TBC1D14: variants seen among roughly 807,000 people sequenced by gnomAD.
The protein encoded by TBC1D14 is TBC1 domain family, member 14.
TBC1D14 carries 26 observed loss-of-function variants against 79.0 expected under a neutral mutation model. The ratio of observed to expected loss-of-function variants is 0.33; its 90% CI spans 0.24 to 0.46. The LOEUF (loss-of-function observed/expected upper bound fraction) is 0.46, where lower values mean the gene tolerates loss of function less well. Among genes scored for constraint, TBC1D14 ranks in the 20% least tolerant of loss-of-function variants. The pLI is 1.00. For synonymous variants in TBC1D14, 394 were observed against 349.9 expected, an observed-to-expected ratio of 1.13 and a Z score of -1.40; for missense variants, 769 against 887.6, an observed-to-expected ratio of 0.87 and a Z score of 1.70.
intron 3 of TBC1D14, among the ~76,000 whole-genome samples, chr4:6,987,880 G>C (rs987596081): frequency 4.6e-5 from 7 of 152,210 alleles, no homozygotes; most frequent in South Asian, 4.1e-4. Context: ...TTGATGCTCT[G>C]GGAGGAATAT....
intron 3 of TBC1D14, 62 bp downstream of exon 3, chr4:6,967,486 C>A: frequency 6.4e-7 from 1 of 1,567,982 alleles, no homozygotes; most frequent in Non-Finnish European, 8.6e-7. Context: ...TATTCATGAA[C>A]CTTGCAAAAA....
rs1301612274 is a variant in TBC1D14 at position 7,032,735 on chromosome 4, T to C, written c.*2343T>C. On this transcript the variant is annotated 3_prime_UTR_variant, in exon 14 of 14. Transcript: ENST00000409757. ...AGGCTGCCTCTGTGTGTGGTTTAAG[T>C]AAACTGGAAATGAGACATTGACGTG... 1 of 151,740 alleles carries C rather than the reference T, an allele frequency of 6.6e-6. No homozygotes were observed. Among genetic ancestry groups the C allele is most frequent in the Non-Finnish European group, 1.5e-5 (1 of 67,900 alleles). 9.4% of individuals were successfully genotyped at this position (151,740 alleles called of 1,614,324 possible). A position where few individuals can be genotyped will look rare whatever the true frequency, so the allele number is the denominator to read the frequency against.
At chr4:7,024,944 C>A in intron 12 of TBC1D14, 60 bp from the exon 13 acceptor site, 1 of 1,593,002 alleles carries the variant, frequency 6.3e-7, no homozygotes. Context: ...CTGGAATTCA[C>A]TGTTCTTTCT....
chr4:7,001,687 G>A (rs961935472), intron 7 of TBC1D14, among the ~76,000 whole-genome samples: 4 of 152,142 alleles, frequency 2.6e-5, no homozygotes, highest in African/African-American at 4.8e-5. Context: ...CTGGGACTGC[G>A]GTCCTTGGGG....
chr4:6,939,188 C>T (rs1031527303), intron 2 of TBC1D14, among the ~76,000 whole-genome samples: 6 of 152,198 alleles, frequency 3.9e-5, no homozygotes, highest in Admixed American at 6.5e-5. Flanking sequence ...CAGGCGGTCT[C>T]GGCATCTTCC....
intron 3 of TBC1D14, among the ~76,000 whole-genome samples, chr4:6,970,962 G>A (rs538496239): frequency 6.8e-6 from 1 of 147,130 alleles, no homozygotes; most frequent in African/African-American, 2.5e-5. Flanking sequence ...GCCTCAAGGA[G>A]CCTGTGGTTG....
rs533696672 is a variant in TBC1D14, at chr4:6,942,703, A to T, written c.722+18592A>T. ...GAGGCGGGGAAGGCGGGTCAAAAGG[A>T]GTGGGCTCTGCCTTCCCCGCCCCCA... On this transcript the variant is annotated intron_variant, in intron 2 of 13. Coordinates refer to ENST00000409757, the MANE Select transcript of TBC1D14 (RefSeq NM_020773.3). Among the ~76,000 whole-genome samples the T allele has an allele frequency of 2.6e-5, 4 of 152,202 alleles. No individual in the cohort carries two copies. The South Asian group carries it at 8.3e-4, about 32-fold the overall frequency.
At chr4:7,011,291 CTT>C (rs1720741800) in intron 11 of TBC1D14, among the ~76,000 whole-genome samples, 1 of 151,066 alleles carries the variant, frequency 6.6e-6, no homozygotes, top group Admixed American at 6.6e-5. Context: ...CCGCTCTAGT[CTT>C]TATGACACTG....
intron 12 of TBC1D14, among the ~76,000 whole-genome samples, chr4:7,023,602 A>C (rs1722040570): frequency 6.6e-6 from 1 of 152,246 alleles, no homozygotes; most frequent in East Asian, 1.9e-4. Context: ...GCTTCCTACC[A>C]AGCCTGCGAC....
chr4:6,931,586 A>G (rs1009545900), intron 2 of TBC1D14, among the ~76,000 whole-genome samples: 1 of 152,092 alleles, frequency 6.6e-6, no homozygotes, highest in South Asian at 2.1e-4. Context: ...CTGTCTGCAG[A>G]CCTGCCAGTG....
rs1367771456 is a variant in TBC1D14 at position 6,996,336 on chromosome 4, C to G, written c.974C>G (p.Ala325Gly). 6.2e-7 allele frequency: 1 copy of G among 1,613,400 alleles called. No homozygotes were observed. Among genetic ancestry groups the G allele is most frequent in the African/African-American group, 1.3e-5 (1 of 74,840 alleles). ...ILEDRPANLP[A>G]KPAEEAQKHR... The stretch of plus-strand genomic sequence containing the variant: ...TCTTTCCTGTCAAGAAATCTCCCAG[C>G]AAAACCAGCTGAAGAAGCTCAGAAG... Residue 325 changes from alanine to glycine, a missense_variant, in exon 5 of 14, where the codon GCA (alanine) becomes GGA (glycine). Physicochemically the swap from Ala to Gly is moderately conservative, Grantham distance 60. Transcript: ENST00000409757.
At chr4:7,010,941 C>A (rs1299414343) in intron 11 of TBC1D14, among the ~76,000 whole-genome samples, 160 bp downstream of exon 11, 1 of 152,052 alleles carries the variant, frequency 6.6e-6, no homozygotes, top group East Asian at 1.9e-4. Context: ...TTTTGAGCAG[C>A]GTATTGCATG....
At chr4:7,013,909 A>C (rs1721032269) in intron 11 of TBC1D14, among the ~76,000 whole-genome samples, 1 of 151,910 alleles carries the variant, frequency 6.6e-6, no homozygotes, top group Non-Finnish European at 1.5e-5. Flanking sequence ...ACGCCTGGCT[A>C]ATTTTTCGTT....
At chr4:6,974,190 G>C (rs182282000) in intron 3 of TBC1D14, among the ~76,000 whole-genome samples, 19 of 152,224 alleles carry the variant, frequency 1.2e-4, no homozygotes, top group African/African-American at 4.3e-4. Context: ...CAGCCCTCAG[G>C]CATTCTTATG....
At position 6,999,339 on chromosome 4, in the gene TBC1D14, A is replaced by G. The variant is rs542854893; in HGVS notation, c.1163+137A>G. On this transcript the variant is annotated intron_variant, in intron 6 of 13. Coordinates refer to ENST00000409757, the MANE Select transcript of TBC1D14 (RefSeq NM_020773.3). ...AAGTTGCATCATCTTCCTTCCCTCTACCCTGGCTCAGCCTGCGCCATCCCT... is the reference window on the plus strand; with the variant it reads ...AAGTTGCATCATCTTCCTTCCCTCTGCCCTGGCTCAGCCTGCGCCATCCCT... 1.2e-5 allele frequency: 9 copies of G among 756,704 alleles called. No homozygotes were observed. The African/African-American group carries it at 1.6e-4, about 13-fold the overall frequency. 46.9% of individuals were successfully genotyped at this position (756,704 alleles called of 1,614,324 possible). A position where few individuals can be genotyped will look rare whatever the true frequency, so the allele number is the denominator to read the frequency against.
At chr4:6,987,870 T>C (rs956230063) in intron 3 of TBC1D14, among the ~76,000 whole-genome samples, 5 of 152,228 alleles carry the variant, frequency 3.3e-5, no homozygotes, top group African/African-American at 1.2e-4. Flanking sequence ...ATATTAACTT[T>C]TGATGCTCTG....
chr4:7,007,709 C>T (rs1720344194), intron 9 of TBC1D14: 1 of 845,320 alleles, frequency 1.2e-6, no homozygotes, highest in Admixed American at 2.6e-5. Context: ...CCCTGCTTCT[C>T]CCACAGGGCA....
chr4:7,003,414 A>G (rs1225669233), intron 7 of TBC1D14, among the ~76,000 whole-genome samples: 1 of 152,180 alleles, frequency 6.6e-6, no homozygotes, highest in African/African-American at 2.4e-5. Context: ...TGGAAGTGCC[A>G]CCAGGTGCAT....
intron 2 of TBC1D14, among the ~76,000 whole-genome samples, chr4:6,952,455 C>T (rs1294671222): frequency 6.6e-6 from 1 of 152,228 alleles, no homozygotes; most frequent in Non-Finnish European, 1.5e-5. Context: ...GTCCCCTGGG[C>T]CAGGCACAGA....
Sources: gnomAD v4.1 joint callset for allele counts (sites outside exome capture counted in the v4.1 genomes callset) on GRCh38, gnomAD v4.1.1 for gene constraint, MANE v1.5 for transcripts, NCBI Gene and HGNC (gene_info 2026-07-23, HGNC 2026-07-21) for gene names.